The following LRP1B variants were observed in gnomAD, a reference collection of about 807,000 sequenced individuals.
LRP1B encodes low-density lipoprotein receptor-related protein 1B.
LRP1B carries 217 observed loss-of-function variants against 556.6 expected under a neutral mutation model. That is an observed-to-expected ratio of 0.39 (90% CI 0.35 to 0.44). LRP1B has a LOEUF of 0.44. Among genes scored for constraint, LRP1B ranks in the 20% least tolerant of loss-of-function variants. The probability of loss-of-function intolerance (pLI) is 1.00; values close to 1 mark genes in which losing one functional copy is unlikely to be tolerated. For synonymous variants in LRP1B, 2,047 were observed against 1,865.8 expected, an observed-to-expected ratio of 1.10 and a Z score of -2.50; for missense variants, 5,053 against 5,620.8, an observed-to-expected ratio of 0.90 and a Z score of 3.23.
intron 3 of LRP1B, among the ~76,000 whole-genome samples, chr2:141,294,993 A>T (rs1483410871): frequency 1.3e-5 from 2 of 152,072 alleles, no homozygotes. Flanking sequence ...TATTGCTTTA[A>T]TCATTTTACA....
chr2:142,038,666 G>T (rs1040587987), intron 1 of LRP1B, among the ~76,000 whole-genome samples: 2 of 151,446 alleles, frequency 1.3e-5, no homozygotes, highest in African/African-American at 4.8e-5. Context: ...TTTGGACAGC[G>T]TTTATTCCTC....
intron 32 of LRP1B, among the ~76,000 whole-genome samples, chr2:140,808,340 T>C (rs191866980): frequency 0.01 from 1,521 of 147,400 alleles, 23 homozygotes; most frequent in African/African-American, 0.039. Flanking sequence ...GTAATTATGT[T>C]TTATATTTTT....
At chr2:140,494,086 G>C (rs936911620) in intron 56 of LRP1B, among the ~76,000 whole-genome samples, 5 of 152,074 alleles carry the variant, frequency 3.3e-5, no homozygotes, top group African/African-American at 1.2e-4. Context: ...AAAAATCTCT[G>C]TAGTGCAAGA....
At chr2:140,827,899 C>G (rs894587449) in intron 31 of LRP1B, among the ~76,000 whole-genome samples, 2 of 151,984 alleles carry the variant, frequency 1.3e-5, no homozygotes, top group African/African-American at 4.8e-5. Context: ...CATAAAGGAG[C>G]TCCAATTCAC....
intron 7 of LRP1B, among the ~76,000 whole-genome samples, chr2:141,123,839 A>G (rs984110316): frequency 2.6e-5 from 4 of 152,128 alleles, no homozygotes; most frequent in Non-Finnish European, 4.4e-5. Context: ...GCACTTTGCT[A>G]TTTGAAATCA....
chr2:140,997,196 A>G (rs1697272024), intron 15 of LRP1B, among the ~76,000 whole-genome samples: 1 of 151,934 alleles, frequency 6.6e-6, no homozygotes, highest in Admixed American at 6.6e-5. Context: ...GGAACTATTA[A>G]TTTTTACACA....
At chr2:141,939,930 TA>T (rs1700746617) in intron 1 of LRP1B, among the ~76,000 whole-genome samples, 1 of 152,144 alleles carries the variant, frequency 6.6e-6, no homozygotes, top group Admixed American at 6.5e-5. Flanking sequence ...TGAAAATGAT[TA>T]ATTTGGCTCA....
intron 2 of LRP1B, among the ~76,000 whole-genome samples, chr2:141,765,506 G>C (rs1464521027): frequency 6.6e-6 from 1 of 152,038 alleles, no homozygotes; most frequent in Non-Finnish European, 1.5e-5. Context: ...GGAACCTGCT[G>C]ACAGCAAGTA....
intron 6 of LRP1B, among the ~76,000 whole-genome samples, chr2:141,206,383 C>T (rs1682282835): frequency 6.6e-6 from 1 of 151,890 alleles, no homozygotes; most frequent in African/African-American, 2.4e-5. Flanking sequence ...AGATCGAGAC[C>T]ATCCTGGCTA....
At chr2:140,947,784 G>C (rs1169960227) in intron 20 of LRP1B, among the ~76,000 whole-genome samples, 1 of 152,140 alleles carries the variant, frequency 6.6e-6, no homozygotes, top group Non-Finnish European at 1.5e-5. Flanking sequence ...GGGAATCCTA[G>C]TAAAATGTAT....
At chr2:141,458,155 G>A (rs1681704155) in intron 3 of LRP1B, among the ~76,000 whole-genome samples, 2 of 152,102 alleles carry the variant, frequency 1.3e-5, no homozygotes, top group South Asian at 4.1e-4. Context: ...TTAAAGAAAT[G>A]ACAATAGTGG....
intron 1 of LRP1B, among the ~76,000 whole-genome samples, chr2:142,077,427 G>A (rs2104923521): frequency 6.6e-6 from 1 of 152,148 alleles, no homozygotes; most frequent in African/African-American, 2.4e-5. Flanking sequence ...TGTGTGTTCT[G>A]CAAATGAATA....
At chr2:140,365,431 A>G (rs944188592) in intron 71 of LRP1B, among the ~76,000 whole-genome samples, 5 of 151,756 alleles carry the variant, frequency 3.3e-5, no homozygotes, top group Admixed American at 2.0e-4. Flanking sequence ...ATACAAAAAT[A>G]TTCTCATATA....
chr2:140,940,176 C>A (rs746045513), intron 20 of LRP1B, among the ~76,000 whole-genome samples: 1 of 151,946 alleles, frequency 6.6e-6, no homozygotes, highest in African/African-American at 2.4e-5. Context: ...TGAGCCACCA[C>A]GCCCAGCCTA....
intron 71 of LRP1B, among the ~76,000 whole-genome samples, chr2:140,367,105 G>C (rs1166464985): frequency 2.0e-5 from 3 of 151,608 alleles, no homozygotes; most frequent in African/African-American, 7.3e-5. Flanking sequence ...TTGCTAGTTT[G>C]GTGGCCAGAT....
intron 60 of LRP1B, among the ~76,000 whole-genome samples, chr2:140,461,449 C>T (rs1687315734): frequency 6.6e-6 from 1 of 152,078 alleles, no homozygotes; most frequent in African/African-American, 2.4e-5. Flanking sequence ...ATCTTATTTT[C>T]CATTCTTTAT....
At chr2:140,752,853 C>G (rs1414362485) in intron 35 of LRP1B, among the ~76,000 whole-genome samples, 2 of 152,144 alleles carry the variant, frequency 1.3e-5, no homozygotes, top group African/African-American at 2.4e-5. Flanking sequence ...TGTATGTTTA[C>G]TAAAATTGAT....
At chr2:140,606,217 G>C (rs946740849) in intron 41 of LRP1B, among the ~76,000 whole-genome samples, 1 of 151,822 alleles carries the variant, frequency 6.6e-6, no homozygotes, top group Non-Finnish European at 1.5e-5. Context: ...TTCTATATAA[G>C]AGCAATGAAC....
At chr2:140,748,799 CATATTATAT>C (rs1688459372) in intron 35 of LRP1B, among the ~76,000 whole-genome samples, 1 of 18,446 alleles carries the variant, frequency 5.4e-5, no homozygotes, top group Admixed American at 7.9e-4. Context: ...ATATTATATA[CATATTATAT>C]ACATGTATAT....
Sources: allele counts gnomAD v4.1 joint callset (sites outside exome capture counted in the v4.1 genomes callset), GRCh38; gene constraint gnomAD v4.1.1; transcripts MANE v1.5; gene names NCBI Gene and HGNC (gene_info 2026-07-23, HGNC 2026-07-21).